Variants in CAST observed in about 807,000 individuals in gnomAD.
CAST encodes MIR583 host.
In CAST, 76 loss-of-function variants were observed where a neutral mutation model predicts 119.6. The ratio of observed to expected loss-of-function variants is 0.64; its 90% CI spans 0.53 to 0.77. The LOEUF is 0.77. Among genes scored for constraint, CAST ranks in the 30% least tolerant of loss-of-function variants. The probability of loss-of-function intolerance (pLI) is 0.00; values close to 1 mark genes in which losing one functional copy is unlikely to be tolerated. For synonymous variants in CAST, 319 were observed against 331.6 expected (o/e 0.96, Z 0.41); for missense variants, 953 against 946.5 (o/e 1.01, Z -0.09).
intron 16 of CAST, among the ~76,000 whole-genome samples, chr5:96,745,874 C>T (rs1045099608): frequency 2.6e-5 from 4 of 152,190 alleles, no homozygotes; most frequent in African/African-American, 7.2e-5. Flanking sequence ...TGTTTCCTCT[C>T]CCTTCCTTAG....
the CAST span, among the ~76,000 whole-genome samples, chr5:96,288,107 G>A: frequency 6.6e-6 from 1 of 152,100 alleles, no homozygotes; most frequent in African/African-American, 2.4e-5. Context: ...GAAGGGCTTT[G>A]GTTTTTAAAT....
the CAST span, among the ~76,000 whole-genome samples, chr5:96,400,859 G>A: frequency 2.4e-5 from 3 of 126,930 alleles, no homozygotes; most frequent in South Asian, 2.5e-4. Context: ...AGGCCGAGGC[G>A]GGCGGATCAC....
At chr5:96,434,616 T>C in the CAST span, among the ~76,000 whole-genome samples, 1 of 142,486 alleles carries the variant, frequency 7.0e-6, no homozygotes, top group Non-Finnish European at 1.5e-5. Flanking sequence ...TGTTTTTTTT[T>C]TTGTTGTTGT....
At chr5:96,032,355 TA>T in the CAST span, among the ~76,000 whole-genome samples, 1 of 151,826 alleles carries the variant, frequency 6.6e-6, no homozygotes, top group African/African-American at 2.4e-5. Flanking sequence ...GAGGCAATGG[TA>T]AAAAAAAGTT....
At chr5:96,141,578 C>T in the CAST span, among the ~76,000 whole-genome samples, 3 of 152,220 alleles carry the variant, frequency 2.0e-5, no homozygotes, top group Admixed American at 2.0e-4. Context: ...ACACCCACAC[C>T]ATGCCCCAGT....
At chr5:96,150,456 A>G in the CAST span, among the ~76,000 whole-genome samples, 1 of 152,100 alleles carries the variant, frequency 6.6e-6, no homozygotes, top group Non-Finnish European at 1.5e-5. Context: ...TCTCAAAACT[A>G]GTAGGGAGGA....
the CAST span, among the ~76,000 whole-genome samples, chr5:96,308,462 A>T: frequency 6.6e-6 from 1 of 151,972 alleles, no homozygotes; most frequent in Admixed American, 6.6e-5. Flanking sequence ...CTGTCAATTC[A>T]TCAAACTCAT....
At chr5:95,991,203 A>G in the CAST span, among the ~76,000 whole-genome samples, 1 of 152,178 alleles carries the variant, frequency 6.6e-6, no homozygotes, top group Non-Finnish European at 1.5e-5. Flanking sequence ...GTCTCTTAAG[A>G]TTTGAAATTT....
chr5:96,695,400 C>A (rs992298475), intron 2 of CAST, among the ~76,000 whole-genome samples: 3 of 152,142 alleles, frequency 2.0e-5, no homozygotes, highest in Non-Finnish European at 4.4e-5. Flanking sequence ...GTACTGTGAT[C>A]AGTATCTTTG....
the CAST span, among the ~76,000 whole-genome samples, chr5:96,144,963 T>G: frequency 6.6e-6 from 1 of 152,190 alleles, no homozygotes; most frequent in Non-Finnish European, 1.5e-5. Flanking sequence ...CCTCTAAAAT[T>G]TACTGCCCAT....
At chr5:96,152,389 G>T in the CAST span, among the ~76,000 whole-genome samples, 1 of 152,192 alleles carries the variant, frequency 6.6e-6, no homozygotes, top group African/African-American at 2.4e-5. Context: ...CACCTTCCCA[G>T]GCTTCTCTGG....
the CAST span, among the ~76,000 whole-genome samples, chr5:96,497,082 T>C: frequency 7.0e-6 from 1 of 143,002 alleles, no homozygotes; most frequent in African/African-American, 2.6e-5. Flanking sequence ...CATTGTTCAA[T>C]TCCCACCTAT....
the CAST span, among the ~76,000 whole-genome samples, chr5:96,301,444 C>T: frequency 6.6e-6 from 1 of 152,214 alleles, no homozygotes; most frequent in Non-Finnish European, 1.5e-5. Flanking sequence ...TCCAACAGTC[C>T]CCCAAAGTCT....
chr5:96,518,965 G>A, the CAST span, among the ~76,000 whole-genome samples: 1 of 151,780 alleles, frequency 6.6e-6, no homozygotes, highest in Admixed American at 6.6e-5. Flanking sequence ...CAGAGGCTGA[G>A]GCAGAGAATT....
the CAST span, among the ~76,000 whole-genome samples, chr5:96,288,546 A>G: frequency 2.0e-5 from 3 of 152,202 alleles, no homozygotes; most frequent in Admixed American, 1.3e-4. Context: ...AACTAGGTTA[A>G]TGTTAACTCC....
At chr5:96,651,653 C>T (rs781094241) in intron 1 of CAST, among the ~76,000 whole-genome samples, 2 of 152,170 alleles carry the variant, frequency 1.3e-5, no homozygotes, top group Non-Finnish European at 2.9e-5. Flanking sequence ...AGCCCATGCC[C>T]CACCTCCAAA....
intron 1 of CAST, among the ~76,000 whole-genome samples, chr5:96,595,879 G>A (rs1425885922): frequency 6.6e-6 from 1 of 152,176 alleles, no homozygotes; most frequent in Non-Finnish European, 1.5e-5. Context: ...AGAAGTCAAA[G>A]TGAGTTGGAG....
At chr5:96,291,843 CGTGTGTGTGTGTGTGT>C in the CAST span, among the ~76,000 whole-genome samples, 67 of 133,060 alleles carry the variant, frequency 5.0e-4, no homozygotes, top group Non-Finnish European at 7.9e-4. Context: ...TCCCAGTCTG[CGTGTGTGTGTGTGTGT>C]GTGTGTGTGT....
rs759173589 is a variant in CAST at position 96,542,308 on chromosome 5, C to CAAAAAAAAAAAAAA, written c.60+12430_60+12443dup. 8.8e-3 allele frequency among the ~76,000 whole-genome samples: 324 copies of CAAAAAAAAAAAAAA among 36,970 alleles called. 1 individual carries two copies. The highest frequency in any genetic ancestry group is 0.025 in the African/African-American group (316 of 12,736). The allele number at this position is 36,970 out of a possible 152,430, so 24.3% of individuals were successfully genotyped here. ...CCTGGGCGACAGCAAGACTTAGTCT[C>CAAAAAAAAAAAAAA]AAAAAAAAAAAAAAAGACAAAACTA... On this transcript the variant is annotated intron_variant, in intron 1 of 11. Coordinates refer to the CAST transcript ENST00000505143.
Sources: allele counts gnomAD v4.1 joint callset (sites outside exome capture counted in the v4.1 genomes callset), GRCh38; gene constraint gnomAD v4.1.1; transcripts MANE v1.5; gene names NCBI Gene and HGNC (gene_info 2026-07-23, HGNC 2026-07-21).